Variants in C12orf42 observed in about 807,000 individuals in gnomAD.
The protein encoded by C12orf42 is chromosome 12 open reading frame 42, also known as uncharacterized protein C12orf42.
C12orf42 carries 25 observed loss-of-function variants against 21.6 expected under a neutral mutation model. The observed-to-expected ratio is 1.16, with a 90% CI of 0.84 to 1.62. The LOEUF (loss-of-function observed/expected upper bound fraction) is 1.62, where lower values mean the gene tolerates loss of function less well. C12orf42 is among the 40% of genes most tolerant of loss of function. C12orf42 has a pLI of 0.00. For synonymous variants in C12orf42, 174 were observed against 175.0 expected, an observed-to-expected ratio of 0.99 and a Z score of 0.05; for missense variants, 483 against 459.3, an observed-to-expected ratio of 1.05 and a Z score of -0.47.
chr12:103,296,225 A>G (rs2037273159), intron 4 of C12orf42, among the ~76,000 whole-genome samples: 2 of 151,990 alleles, frequency 1.3e-5, no homozygotes, highest in African/African-American at 2.4e-5. Flanking sequence ...AGTATTCCAT[A>G]GTGTATATGT....
At chr12:103,501,400 G>A in the C12orf42 span, among the ~76,000 whole-genome samples, 27 of 152,320 alleles carry the variant, frequency 1.8e-4, 1 homozygote, top group African/African-American at 5.3e-4. Context: ...GAGAGAGGAT[G>A]AACAGCCTCC....
At chr12:103,480,853 A>G (rs1029223651) in intron 1 of C12orf42, among the ~76,000 whole-genome samples, 3 of 151,562 alleles carry the variant, frequency 2.0e-5, no homozygotes, top group African/African-American at 7.3e-5. Flanking sequence ...CTTAGATTCA[A>G]TATTTTTGAA....
the C12orf42 span, among the ~76,000 whole-genome samples, chr12:103,206,569 C>T: frequency 6.6e-6 from 1 of 151,764 alleles, no homozygotes; most frequent in Non-Finnish European, 1.5e-5. Context: ...GACTTTCATT[C>T]CTCACAGAGA....
At chr12:103,494,986 G>C (rs965345394) in intron 1 of C12orf42, among the ~76,000 whole-genome samples, 1 of 152,128 alleles carries the variant, frequency 6.6e-6, no homozygotes, top group Admixed American at 6.5e-5. Flanking sequence ...GTGCGGGGTT[G>C]GGGGGATGTG....
chr12:103,068,454 T>C, the C12orf42 span, among the ~76,000 whole-genome samples: 8 of 152,214 alleles, frequency 5.3e-5, no homozygotes, highest in Admixed American at 5.2e-4. Context: ...GAGATGTGTA[T>C]GGGTTCAGGT....
In C12orf42 at chr12:103,478,407, A is replaced by C. The variant is rs752605310; in HGVS notation, c.20T>G (p.Met7Arg). 23 of 1,597,124 alleles carry C rather than the reference A, an allele frequency of 1.4e-5. No homozygotes were observed. Among genetic ancestry groups the C allele is most frequent in the Non-Finnish European group, 2.0e-5 (23 of 1,169,064 alleles). Residue 7 changes from methionine to arginine, a missense_variant, in exon 2 of 6, where the codon ATG (methionine) becomes AGG (arginine). Transcript: ENST00000548883. Reference protein sequence around the residue: MSTVICMKQREEEFLLT... With the variant: MSTVICRKQREEEFLLT... The stretch of plus-strand genomic sequence containing the variant: ...CAAGAATTCTTCTTCCCTTTGTTTC[A>C]TACATATCACTGTAGACATTAATTT...
chr12:103,152,755 T>C, the C12orf42 span, among the ~76,000 whole-genome samples: 1 of 151,394 alleles, frequency 6.6e-6, no homozygotes, highest in Non-Finnish European at 1.5e-5. Context: ...TTTAAAATAT[T>C]ATTTATGCTT....
intron 2 of C12orf42, among the ~76,000 whole-genome samples, chr12:103,434,921 C>A (rs1474379169): frequency 2.6e-5 from 4 of 152,244 alleles, no homozygotes; most frequent in Non-Finnish European, 4.4e-5. Flanking sequence ...GGCCTGCCTG[C>A]CTCTGCAGGC....
intron 4 of C12orf42, among the ~76,000 whole-genome samples, chr12:103,356,872 G>A (rs1247713818): frequency 6.6e-6 from 1 of 151,344 alleles, no homozygotes; most frequent in East Asian, 1.9e-4. Flanking sequence ...TGATGGGGTT[G>A]TTTGTTTTTT....
intron 10 of C12orf42, among the ~76,000 whole-genome samples, chr12:103,253,870 G>A (rs187594023): frequency 6.6e-6 from 1 of 151,408 alleles, no homozygotes; most frequent in African/African-American, 2.4e-5. Context: ...ATACATTCTA[G>A]ATGTTAGGCC....
At chr12:103,090,210 G>A in the C12orf42 span, among the ~76,000 whole-genome samples, 1 of 152,350 alleles carries the variant, frequency 6.6e-6, no homozygotes, top group African/African-American at 2.4e-5. Context: ...ATCAGCCACA[G>A]CATGATCTCA....
the C12orf42 span, among the ~76,000 whole-genome samples, chr12:103,059,326 C>T: frequency 6.6e-6 from 1 of 152,234 alleles, no homozygotes; most frequent in African/African-American, 2.4e-5. Context: ...GAAACTGAGG[C>T]AGTAATTAAT....
At chr12:103,254,429 C>T (rs2034453869) in intron 10 of C12orf42, among the ~76,000 whole-genome samples, 1 of 152,114 alleles carries the variant, frequency 6.6e-6, no homozygotes, top group Non-Finnish European at 1.5e-5. Context: ...TGATGCTGGC[C>T]TCTGAAGGCA....
At chr12:103,118,647 G>A in the C12orf42 span, among the ~76,000 whole-genome samples, 4 of 151,280 alleles carry the variant, frequency 2.6e-5, no homozygotes, top group South Asian at 6.3e-4. Context: ...AAATACAAAA[G>A]ATTAGCCAGG....
At chr12:103,203,951 C>A in the C12orf42 span, among the ~76,000 whole-genome samples, 1 of 152,126 alleles carries the variant, frequency 6.6e-6, no homozygotes, top group Non-Finnish European at 1.5e-5. Flanking sequence ...AGGAAAAGCC[C>A]AGCCCCAGGA....
the C12orf42 span, among the ~76,000 whole-genome samples, chr12:103,539,391 A>G: frequency 6.6e-6 from 1 of 152,052 alleles, no homozygotes; most frequent in South Asian, 2.1e-4. Flanking sequence ...AAAAACACCT[A>G]TCAACCACTA....
At chr12:103,409,561 T>C (rs1180841662) in intron 2 of C12orf42, among the ~76,000 whole-genome samples, 2 of 152,130 alleles carry the variant, frequency 1.3e-5, no homozygotes, top group Admixed American at 6.6e-5. Flanking sequence ...AGAACATCAC[T>C]TTGATACCCA....
chr12:103,114,936 C>T, the C12orf42 span, among the ~76,000 whole-genome samples: 3 of 152,158 alleles, frequency 2.0e-5, no homozygotes, highest in Non-Finnish European at 4.4e-5. Flanking sequence ...AAAAAAGGCA[C>T]GCCCAAACAA....
At chr12:103,190,220 G>T in the C12orf42 span, among the ~76,000 whole-genome samples, 1 of 152,200 alleles carries the variant, frequency 6.6e-6, no homozygotes, top group Non-Finnish European at 1.5e-5. Flanking sequence ...CCAAGGGCAG[G>T]AGGAGAAGAA....
Sources: gnomAD v4.1 joint callset for allele counts (sites outside exome capture counted in the v4.1 genomes callset) on GRCh38, gnomAD v4.1.1 for gene constraint, MANE v1.5 for transcripts, NCBI Gene and HGNC (gene_info 2026-07-23, HGNC 2026-07-21) for gene names.